CLEC2A: variants seen among roughly 807,000 people sequenced by gnomAD.
CLEC2A encodes the protein C-type lectin domain family 2 member A, also known as keratinocyte-associated C-type lectin.
In CLEC2A, 19 loss-of-function variants were observed where a neutral mutation model predicts 18.6. That is an observed-to-expected ratio of 1.02 (90% CI 0.71 to 1.50). The LOEUF (loss-of-function observed/expected upper bound fraction) is 1.50, where lower values mean the gene tolerates loss of function less well. Ranked by LOEUF, CLEC2A falls within the 40% of genes most tolerant of loss-of-function variation. CLEC2A has a pLI of 0.00. For synonymous variants in CLEC2A, 74 were observed against 64.0 expected, an observed-to-expected ratio of 1.16 and a Z score of -0.75; for missense variants, 190 against 207.9, an observed-to-expected ratio of 0.91 and a Z score of 0.53.
At chr12:9,898,900 AG>A (rs1473022521) in exon 5 of CLEC2A, 14 of 714,816 alleles carry the variant, frequency 2.0e-5, no homozygotes, top group Non-Finnish European at 3.4e-5. Flanking sequence ...GCTCCCTCAG[AG>A]GCCTATCTAA....
chr12:9,923,329 G>A (rs1030848887), intron 2 of CLEC2A, among the ~76,000 whole-genome samples: 3 of 152,138 alleles, frequency 2.0e-5, no homozygotes, highest in African/African-American at 4.8e-5. Context: ...AGGAAAAAAC[G>A]CTCATCATCA....
Position 9,929,061 on chromosome 12 carries a change from A to G in CLEC2A, c.56-2718T>C, listed in dbSNP as rs375926703. 3.3e-5 allele frequency among the ~76,000 whole-genome samples: 5 copies of G among 152,240 alleles called. No individual in the cohort carries two copies. The East Asian group carries it at 9.6e-4, about 29-fold the overall frequency. Reference sequence around the variant, plus strand: ...AAAAAAAAGCTGAGAAAACTAAATAAAAACAACACTTCTAGTATACAGAAA... The same window carrying G: ...AAAAAAAAGCTGAGAAAACTAAATAGAAACAACACTTCTAGTATACAGAAA... On this transcript the variant is annotated intron_variant, in intron 1 of 4. Coordinates refer to ENST00000455827, the MANE Select transcript of CLEC2A (RefSeq NM_001130711.2).
downstream of CLEC2A, among the ~76,000 whole-genome samples, chr12:9,911,891 G>A (rs537411868): frequency 2.6e-5 from 4 of 152,232 alleles, no homozygotes; most frequent in South Asian, 8.3e-4. Flanking sequence ...GCCTTGTCAT[G>A]CAGTTACTGG....
chr12:9,885,287 A>G, the CLEC2A span, among the ~76,000 whole-genome samples: 4 of 151,656 alleles, frequency 2.6e-5, no homozygotes, highest in Non-Finnish European at 5.9e-5. Context: ...ATCTTTACTA[A>G]AAGAGTATGT....
At chr12:9,884,592 T>C in the CLEC2A span, among the ~76,000 whole-genome samples, 12 of 148,682 alleles carry the variant, frequency 8.1e-5, no homozygotes, top group Admixed American at 3.4e-4. Context: ...ATGTTTACAT[T>C]GTATATATTT....
chr12:9,908,218 CT>C (rs1229409711), intron 4 of CLEC2A, among the ~76,000 whole-genome samples: 2 of 152,192 alleles, frequency 1.3e-5, no homozygotes, highest in African/African-American at 2.4e-5. Flanking sequence ...TGATTTTCTT[CT>C]CTTGACCAGA....
chr12:9,891,498 T>C, the CLEC2A span, among the ~76,000 whole-genome samples: 1 of 152,208 alleles, frequency 6.6e-6, no homozygotes, highest in African/African-American at 2.4e-5. Context: ...TGTCAATATC[T>C]ACATAATAAA....
At chr12:9,920,153 C>A (rs569345837) in intron 3 of CLEC2A, among the ~76,000 whole-genome samples, 2 of 152,198 alleles carry the variant, frequency 1.3e-5, no homozygotes, top group East Asian at 3.9e-4. Context: ...TGGGTCCTAT[C>A]CTGTGAGATG....
chr12:9,919,601 C>T (rs547093325), intron 3 of CLEC2A, among the ~76,000 whole-genome samples: 66 of 152,276 alleles, frequency 4.3e-4, no homozygotes, highest in African/African-American at 1.3e-3. Flanking sequence ...ATAGCGCTTG[C>T]GAGGGGGGCT....
chr12:9,923,819 A>G (rs2137049403), intron 2 of CLEC2A, among the ~76,000 whole-genome samples: 1 of 152,252 alleles, frequency 6.6e-6, no homozygotes, highest in Admixed American at 6.5e-5. Flanking sequence ...TCAGCAAACT[A>G]TGGCAAGGAC....
chr12:9,901,374 T>G (rs1199569627), intron 4 of CLEC2A, among the ~76,000 whole-genome samples: 1 of 152,212 alleles, frequency 6.6e-6, no homozygotes, highest in Non-Finnish European at 1.5e-5. Context: ...GTAGTTACAC[T>G]TAGAAACACA....
At chr12:9,922,345 G>A in intron 2 of CLEC2A, 113 bp from the exon 3 acceptor site, 1 of 726,012 alleles carries the variant, frequency 1.4e-6, no homozygotes, top group Non-Finnish European at 2.1e-6. Context: ...CCGTAAGTTA[G>A]CTTCCCCCCT....
At position 9,916,781 on chromosome 12, in the gene CLEC2A, C is replaced by T. The variant is rs367648527; in HGVS notation, c.329G>A (p.Gly110Glu). The change falls in exon 4 of 5, where the codon GGA becomes GAA. Residue 110 changes from glycine (G) to glutamate (E), a missense_variant. Gly to Glu is a moderately conservative substitution (Grantham distance 98). Coordinates refer to ENST00000455827, the MANE Select transcript of CLEC2A (RefSeq NM_001130711.2). Reference protein sequence around the residue: ...EDMEFLKRYAGTDMHWIGLSR... With the variant: ...EDMEFLKRYAETDMHWIGLSR... ...TAGTCCAATCCAGTGCATATCAGTT[C>T]CTGCGTACCTCTTCAAAAATTCCTT... 2 of 1,550,782 alleles carry T rather than the reference C, an allele frequency of 1.3e-6. No homozygotes were observed. Among genetic ancestry groups the T allele is most frequent in the Non-Finnish European group, 1.7e-6 (2 of 1,146,214 alleles).
At chr12:9,915,095 A>G (rs1863049234) in intron 4 of CLEC2A, among the ~76,000 whole-genome samples, 1 of 152,056 alleles carries the variant, frequency 6.6e-6, no homozygotes, top group African/African-American at 2.4e-5. Flanking sequence ...AAACATTTGA[A>G]AAAAAAAGCT....
intron 4 of CLEC2A, among the ~76,000 whole-genome samples, chr12:9,906,020 G>GT (rs367651590): frequency 2.0e-4 from 17 of 83,098 alleles, no homozygotes; most frequent in African/African-American, 5.7e-4. Flanking sequence ...CCACTTATTA[G>GT]TTTTGTTTTT....
chr12:9,920,881 A>T (rs976428454), intron 3 of CLEC2A, among the ~76,000 whole-genome samples: 19 of 152,048 alleles, frequency 1.2e-4, no homozygotes, highest in South Asian at 6.2e-4. Flanking sequence ...ATTTTTAAAA[A>T]TTTTTTCTGT....
the CLEC2A span, chr12:9,893,024 C>G: frequency 1.5e-5 from 23 of 1,534,570 alleles, no homozygotes; most frequent in African/African-American, 3.2e-4. Flanking sequence ...CTTTAGGACA[C>G]AATTACTTGT....
intron 2 of CLEC2A, 37 bp downstream of exon 2, chr12:9,926,223 G>T: frequency 8.0e-7 from 1 of 1,246,794 alleles, no homozygotes; most frequent in Non-Finnish European, 1.1e-6. Flanking sequence ...CTTCAGGAGT[G>T]AAGAACCATA....
At position 9,913,483 on chromosome 12, in the gene CLEC2A, G is replaced by A. The variant is rs1364384369; in HGVS notation, c.*83C>T. The A allele has an allele frequency of 4.0e-6, 6 of 1,481,770 alleles. No homozygotes were observed. The highest frequency in any genetic ancestry group is 5.3e-6 in the Non-Finnish European group (6 of 1,123,916). 91.8% of individuals were successfully genotyped at this position (1,481,770 alleles called of 1,614,324 possible). On this transcript the variant is annotated 3_prime_UTR_variant, in exon 5 of 5. Coordinates refer to ENST00000455827, the MANE Select transcript of CLEC2A (RefSeq NM_001130711.2). ...ACCAGAGGTTCCGTATTCTGTAACAGAATAAGTGAGAAAGCCACTTTTGCA... is the reference window on the plus strand; with the variant it reads ...ACCAGAGGTTCCGTATTCTGTAACAAAATAAGTGAGAAAGCCACTTTTGCA...
Sources: allele counts gnomAD v4.1 joint callset (sites outside exome capture counted in the v4.1 genomes callset), GRCh38; gene constraint gnomAD v4.1.1; transcripts MANE v1.5; gene names NCBI Gene and HGNC (gene_info 2026-07-23, HGNC 2026-07-21).